The following ZNRF3 variants were observed in gnomAD, a reference collection of about 807,000 sequenced individuals.
The protein encoded by ZNRF3 is zinc and ring finger 3.
ZNRF3 carries 23 observed loss-of-function variants against 72.5 expected under a neutral mutation model. The ratio of observed to expected loss-of-function variants is 0.32; its 90% CI spans 0.23 to 0.45. The LOEUF is 0.45. ZNRF3 is among the 20% of genes least tolerant of loss of function. ZNRF3 has a pLI of 1.00. For missense variants in ZNRF3, 1,169 were observed against 1,272.1 expected (o/e 0.92, Z 1.23); for synonymous variants, 610 against 545.3 (o/e 1.12, Z -1.65).
At chr22:28,942,304 C>T (rs1251419786) in intron 1 of ZNRF3, among the ~76,000 whole-genome samples, 1 of 152,236 alleles carries the variant, frequency 6.6e-6, no homozygotes, top group Non-Finnish European at 1.5e-5. Flanking sequence ...AGCCTGACTT[C>T]TCTGAAAACC....
rs867666246 is a variant in ZNRF3, at chr22:28,945,394, G to A, written c.301-41682G>A. Among the ~76,000 whole-genome samples the A allele has an allele frequency of 7.9e-5, 12 of 151,772 alleles. No individual in the cohort carries two copies. In the South Asian group the frequency reaches 1.5e-3, roughly 18 times the overall value. ...ATATTAAGCAATGTGTCATATGATC[G>A]TAATTTAAAAAGAAGGACCGGGCAC... On this transcript the variant is annotated intron_variant, in intron 1 of 8. Coordinates refer to ENST00000544604, the MANE Select transcript of ZNRF3 (RefSeq NM_001206998.2).
rs375623852 is a variant in ZNRF3, at chr22:29,043,291, T to G, written c.502-8T>G. The G allele has an allele frequency of 4.5e-4, 731 of 1,613,354 alleles. No individual in the cohort carries two copies. The highest frequency in any genetic ancestry group is 5.7e-4 in the Non-Finnish European group (676 of 1,179,768). Reference sequence around the variant, plus strand: ...ACCTTTTAACCAGAGCCCTCTCTTCTTCCTTAGCTGAACCAGGGCTCTGAA... The same window carrying G: ...ACCTTTTAACCAGAGCCCTCTCTTCGTCCTTAGCTGAACCAGGGCTCTGAA... On this transcript the variant is annotated splice_polypyrimidine_tract_variant and splice_region_variant and intron_variant, in intron 3 of 8. Transcript: ENST00000544604.
intron 1 of ZNRF3, among the ~76,000 whole-genome samples, chr22:28,964,008 C>T (rs1263268138): frequency 6.6e-6 from 1 of 152,180 alleles, no homozygotes; most frequent in Non-Finnish European, 1.5e-5. Context: ...TTACTACTAC[C>T]AACCCACCTA....
intron 1 of ZNRF3, among the ~76,000 whole-genome samples, chr22:28,925,716 A>G (rs529118636): frequency 1.8e-4 from 27 of 152,098 alleles, no homozygotes; most frequent in Admixed American, 3.3e-4. Flanking sequence ...TTTTTGAGAC[A>G]AGGTTTGCCC....
At chr22:28,893,486 CTTTCTTTCTT>C (rs2033930781) in intron 1 of ZNRF3, among the ~76,000 whole-genome samples, 1 of 150,294 alleles carries the variant, frequency 6.7e-6, no homozygotes, top group African/African-American at 2.4e-5. Flanking sequence ...TGGTAATTTT[CTTTCTTTCTT>C]TTTCTTTTTT....
At chr22:28,957,420 GATA>G (rs1293963394) in intron 1 of ZNRF3, among the ~76,000 whole-genome samples, 1 of 152,080 alleles carries the variant, frequency 6.6e-6, no homozygotes, top group Non-Finnish European at 1.5e-5. Context: ...TTTCTGATTG[GATA>G]ATAATGACAG....
intron 2 of ZNRF3, among the ~76,000 whole-genome samples, chr22:29,008,241 T>C (rs2036293007): frequency 6.6e-6 from 1 of 152,156 alleles, no homozygotes; most frequent in Non-Finnish European, 1.5e-5. Flanking sequence ...AGATCCTGAA[T>C]AGTTCAGAGT....
chr22:29,043,202 A>G, intron 3 of ZNRF3, 97 bp from the exon 4 acceptor site: 1 of 1,343,526 alleles, frequency 7.4e-7, no homozygotes, highest in South Asian at 1.5e-5. Context: ...AGGATTCCAG[A>G]CAGGTATTCA....
At chr22:29,045,527 C>T (rs565810928) in intron 5 of ZNRF3, among the ~76,000 whole-genome samples, 45 of 152,272 alleles carry the variant, frequency 3.0e-4, no homozygotes, top group African/African-American at 1.0e-3. Context: ...CTCATTCTGT[C>T]ACCCAGGCTG....
At chr22:28,907,280 A>G (rs1267077706) in intron 1 of ZNRF3, among the ~76,000 whole-genome samples, 2 of 152,004 alleles carry the variant, frequency 1.3e-5, no homozygotes, top group Admixed American at 1.3e-4. Flanking sequence ...GGCATGAGCC[A>G]CCGTGCCTGG....
intron 6 of ZNRF3, 100 bp downstream of exon 6, chr22:29,046,983 A>C: frequency 8.5e-7 from 1 of 1,174,406 alleles, no homozygotes; most frequent in African/African-American, 1.6e-5. Context: ...TCCATCACAC[A>C]CATCAACTTT....
intron 1 of ZNRF3, among the ~76,000 whole-genome samples, chr22:28,960,204 C>T (rs561586311): frequency 1.3e-5 from 2 of 152,160 alleles, no homozygotes; most frequent in East Asian, 3.9e-4. Flanking sequence ...CCCAGAGATT[C>T]TGATGGGAGT....
At chr22:28,914,771 G>A (rs1051236519) in intron 1 of ZNRF3, among the ~76,000 whole-genome samples, 8 of 148,608 alleles carry the variant, frequency 5.4e-5, no homozygotes, top group African/African-American at 9.9e-5. Context: ...CCGAGATGGC[G>A]CCATTGCACT....
At position 28,912,460 on chromosome 22, in the gene ZNRF3, G is replaced by A. The variant is rs1227447660; in HGVS notation, c.300+28394G>A. 2.0e-5 allele frequency among the ~76,000 whole-genome samples: 3 copies of A among 151,970 alleles called. 1 individual carries two copies. Among genetic ancestry groups the A allele is most frequent in the African/African-American group, 7.3e-5 (3 of 41,342 alleles). On this transcript the variant is annotated intron_variant, in intron 1 of 8. Transcript: ENST00000544604. ...ATGCTGGATTACATCCGGGGATCAA[G>A]GAGCCCGCCTCTTAAAGCACTCAAT...
chr22:29,053,832 G>C lies in ZNRF3; in HGVS notation c.*210G>C, dbSNP rs893118766. ...AACAAATCAACAGACAAAATTCTCC[G>C]AGTCCTTTGCCTCTTTTGATAACAT... On this transcript the variant is annotated 3_prime_UTR_variant, in exon 9 of 9. Coordinates refer to ENST00000544604, the MANE Select transcript of ZNRF3 (RefSeq NM_001206998.2). 2 of 504,242 alleles carry C rather than the reference G, an allele frequency of 4.0e-6. No homozygotes were observed. Among genetic ancestry groups the C allele is most frequent in the African/African-American group, 3.9e-5 (2 of 51,844 alleles). The allele number at this position is 504,242 out of a possible 1,614,324, so 31.2% of individuals were successfully genotyped here.
In ZNRF3 at chr22:29,050,060, T is replaced by C. The variant is rs1319175456; in HGVS notation, c.1879T>C (p.Ser627Pro). 1 of 1,607,290 alleles carries C rather than the reference T, an allele frequency of 6.2e-7. No individual in the cohort carries two copies. The highest frequency in any genetic ancestry group is 8.5e-7 in the Non-Finnish European group (1 of 1,177,406). ...GRGPALCFEG[S>P]PPPEELPAVH... The stretch of plus-strand genomic sequence containing the variant: ...GGGACCTGCCCTGTGCTTCGAGGGC[T>C]CCCCGCCTCCCGAGGAGCTCCCGGC... Residue 627 changes from serine to proline, a missense_variant, in exon 8 of 9, where the codon TCC becomes CCC. Ser to Pro is a moderately conservative substitution (Grantham distance 74, BLOSUM62 -1). Transcript: ENST00000544604.
chr22:29,009,937 C>G (rs983455802), intron 2 of ZNRF3, among the ~76,000 whole-genome samples: 1 of 139,376 alleles, frequency 7.2e-6, no homozygotes, highest in Non-Finnish European at 1.5e-5. Flanking sequence ...GACAGTGTCT[C>G]GCTCTGTTTC....
intron 1 of ZNRF3, among the ~76,000 whole-genome samples, chr22:28,914,313 T>C (rs935761845): frequency 6.6e-6 from 1 of 152,122 alleles, no homozygotes; most frequent in Non-Finnish European, 1.5e-5. Flanking sequence ...CGGGTTAGTC[T>C]ACCTTGGTTA....
At chr22:28,937,174 AATATATATATATATATATATATATATAT>A (rs61520434) in intron 1 of ZNRF3, among the ~76,000 whole-genome samples, 1 of 78,768 alleles carries the variant, frequency 1.3e-5, no homozygotes, top group Non-Finnish European at 2.2e-5. Context: ...TCTCTCTTAT[AATATATATATATATATATATATATATAT>A]ATATATATAT....
Sources: allele counts gnomAD v4.1 joint callset (sites outside exome capture counted in the v4.1 genomes callset), GRCh38; gene constraint gnomAD v4.1.1; transcripts MANE v1.5; gene names NCBI Gene and HGNC (gene_info 2026-07-23, HGNC 2026-07-21).